LUZP2: variants seen among roughly 807,000 people sequenced by gnomAD.
LUZP2 encodes the protein leucine zipper protein 2.
A neutral mutation model predicts 51.6 loss-of-function variants in LUZP2; 52 were observed. That is an observed-to-expected ratio of 1.01 (90% CI 0.81 to 1.27). The LOEUF is 1.27. Ranked by LOEUF, LUZP2 falls within the 50% of genes most tolerant of loss-of-function variation. The probability of loss-of-function intolerance (pLI) is 0.00; values close to 1 mark genes in which losing one functional copy is unlikely to be tolerated. For synonymous variants in LUZP2, 154 were observed against 137.3 expected (o/e 1.12, Z -0.85); for missense variants, 436 against 395.4 (o/e 1.10, Z -0.87).
At chr11:24,904,387 A>G (rs1227063071) in intron 5 of LUZP2, among the ~76,000 whole-genome samples, 1 of 151,738 alleles carries the variant, frequency 6.6e-6, no homozygotes, top group Admixed American at 6.6e-5. Flanking sequence ...GGTTCACACC[A>G]TTCTCCTGCC....
intron 5 of LUZP2, among the ~76,000 whole-genome samples, chr11:24,853,553 A>G (rs1035858066): frequency 6.6e-6 from 1 of 152,126 alleles, no homozygotes. Flanking sequence ...GCTTCCTTGC[A>G]TTGGGTTAGA....
At chr11:24,659,016 TTCC>T (rs200009962) in intron 1 of LUZP2, among the ~76,000 whole-genome samples, 7,911 of 152,276 alleles carry the variant, frequency 0.052, 324 homozygotes, top group Non-Finnish European at 0.072. Flanking sequence ...AGTGTGGTGA[TTCC>T]TCAGGGATCT....
At chr11:24,933,223 A>T (rs1032737067) in intron 7 of LUZP2, among the ~76,000 whole-genome samples, 1 of 151,794 alleles carries the variant, frequency 6.6e-6, no homozygotes, top group Admixed American at 6.6e-5. Context: ...GTATCTGGGG[A>T]TTCTCTTTGC....
intron 1 of LUZP2, among the ~76,000 whole-genome samples, chr11:24,632,045 G>C (rs1006283781): frequency 1.3e-5 from 2 of 151,968 alleles, no homozygotes; most frequent in African/African-American, 4.8e-5. Context: ...TACTATGGAA[G>C]TGGGGCATTT....
intron 1 of LUZP2, among the ~76,000 whole-genome samples, chr11:24,555,236 T>C (rs1199728128): frequency 6.6e-6 from 1 of 152,126 alleles, no homozygotes; most frequent in Admixed American, 6.5e-5. Flanking sequence ...GAAGATAGTA[T>C]GTAGAAGTGG....
At chr11:24,794,786 TA>T (rs1007838188) in intron 5 of LUZP2, among the ~76,000 whole-genome samples, 15 of 152,210 alleles carry the variant, frequency 9.9e-5, no homozygotes, top group Non-Finnish European at 2.1e-4. Context: ...AGTGTGGTAT[TA>T]AAAAATGTAC....
At chr11:24,903,794 G>A (rs75650518) in intron 5 of LUZP2, among the ~76,000 whole-genome samples, 2,084 of 152,270 alleles carry the variant, frequency 0.014, 117 homozygotes, top group East Asian at 0.11. Flanking sequence ...GCCACGAGGG[G>A]TTGGACTCAG....
Position 24,545,555 on chromosome 11 carries a change from CT to C in LUZP2, c.62+48267del, listed in dbSNP as rs3992984. ...TGGGGAGTCCTTTCATTGTTGCTTG[CT>C]TTTTTTTTTTTTTTTTGACAGCTTT... On this transcript the variant is annotated intron_variant, in intron 1 of 11. Transcript: ENST00000336930. Among the ~76,000 whole-genome samples, 651 of 120,772 alleles carry C rather than the reference CT, an allele frequency of 5.4e-3. 9 individuals carry two copies. Among genetic ancestry groups the C allele is most frequent in the African/African-American group, 0.018 (575 of 32,300 alleles). 79.2% of individuals were successfully genotyped at this position (120,772 alleles called of 152,430 possible). A position where few individuals can be genotyped will look rare whatever the true frequency, so the allele number is the denominator to read the frequency against.
At chr11:24,807,956 A>G (rs1204244444) in intron 5 of LUZP2, among the ~76,000 whole-genome samples, 3 of 152,214 alleles carry the variant, frequency 2.0e-5, no homozygotes, top group Non-Finnish European at 4.4e-5. Flanking sequence ...ACTATCAAAT[A>G]GAATCCAAGT....
intron 5 of LUZP2, among the ~76,000 whole-genome samples, chr11:24,847,030 A>G (rs950165043): frequency 6.6e-6 from 1 of 151,822 alleles, no homozygotes; most frequent in African/African-American, 2.4e-5. Context: ...ATACATGTAT[A>G]CACACATATA....
intron 1 of LUZP2, among the ~76,000 whole-genome samples, chr11:24,638,707 A>G (rs1196053906): frequency 2.0e-5 from 3 of 151,600 alleles, no homozygotes; most frequent in Non-Finnish European, 4.4e-5. Context: ...TTAGTGAGAT[A>G]TAAAGTAGAA....
intron 1 of LUZP2, among the ~76,000 whole-genome samples, chr11:24,679,726 A>T (rs147627678): frequency 5.9e-5 from 9 of 152,318 alleles, no homozygotes; most frequent in African/African-American, 1.9e-4. Flanking sequence ...AAAGTGCGAA[A>T]TATAGGTTTC....
At chr11:24,538,318 T>C (rs1185884611) in intron 1 of LUZP2, among the ~76,000 whole-genome samples, 1 of 151,746 alleles carries the variant, frequency 6.6e-6, no homozygotes, top group African/African-American at 2.4e-5. Context: ...CTCCAAATGT[T>C]AATAGGCATA....
chr11:24,653,271 A>C (rs988722893), intron 1 of LUZP2, among the ~76,000 whole-genome samples: 3 of 152,138 alleles, frequency 2.0e-5, no homozygotes, highest in Non-Finnish European at 4.4e-5. Flanking sequence ...AGTGGCTTTA[A>C]TACTATTTTT....
intron 5 of LUZP2, among the ~76,000 whole-genome samples, chr11:24,774,517 A>T (rs1361702742): frequency 1.0e-5 from 1 of 98,102 alleles, no homozygotes; most frequent in Non-Finnish European, 1.8e-5. Context: ...TATATTCTAT[A>T]TATATGTAGA....
intron 9 of LUZP2, among the ~76,000 whole-genome samples, chr11:25,020,781 T>C (rs972276638): frequency 9.3e-6 from 1 of 107,166 alleles, no homozygotes; most frequent in Admixed American, 8.7e-5. Context: ...TTACTTGGGG[T>C]CTAATTTAAT....
At chr11:25,023,927 C>T (rs1857412060) in intron 9 of LUZP2, among the ~76,000 whole-genome samples, 1 of 152,076 alleles carries the variant, frequency 6.6e-6, no homozygotes, top group Admixed American at 6.6e-5. Flanking sequence ...GTTCAGTTTC[C>T]ATGTAGTTGA....
At position 24,826,190 on chromosome 11, in the gene LUZP2, A is replaced by AAAT. The variant is rs1215786412; in HGVS notation, c.396+62883_396+62884insATA. On this transcript the variant is annotated intron_variant, in intron 5 of 11. Transcript: ENST00000336930. ...GACTCCATCTCAAAAAAAAAAAAAA[A>AAAT]ATATATATATATATATATAGTAAAA... is the stretch of plus-strand genomic sequence containing the variant. 4.3e-3 allele frequency among the ~76,000 whole-genome samples: 292 copies of AAAT among 67,556 alleles called. 6 individuals are homozygous for AAAT. Among genetic ancestry groups the AAAT allele is most frequent in the African/African-American group, 0.016 (275 of 16,994 alleles). 44.3% of individuals were successfully genotyped at this position (67,556 alleles called of 152,430 possible). A position where few individuals can be genotyped will look rare whatever the true frequency, so the allele number is the denominator to read the frequency against.
intron 5 of LUZP2, among the ~76,000 whole-genome samples, chr11:24,817,684 T>C: frequency 6.6e-6 from 1 of 152,060 alleles, no homozygotes; most frequent in Non-Finnish European, 1.5e-5. Flanking sequence ...GGGATTGGTA[T>C]TTTTTTCTAA....
Sources: gnomAD v4.1 joint callset for allele counts (sites outside exome capture counted in the v4.1 genomes callset) on GRCh38, gnomAD v4.1.1 for gene constraint, MANE v1.5 for transcripts, NCBI Gene and HGNC (gene_info 2026-07-23, HGNC 2026-07-21) for gene names.